EYA1: variants seen among roughly 807,000 people sequenced by gnomAD.
The protein encoded by EYA1 is protein phosphatase EYA1.
In EYA1, 16 loss-of-function variants were observed where a neutral mutation model predicts 82.0. The observed-to-expected ratio is 0.20, with a 90% CI of 0.13 to 0.30. The LOEUF (loss-of-function observed/expected upper bound fraction) is 0.30, where lower values mean the gene tolerates loss of function less well. EYA1 is among the 10% of genes least tolerant of loss of function. The pLI is 1.00. For missense variants in EYA1, 633 were observed against 730.7 expected, an observed-to-expected ratio of 0.87 and a Z score of 1.54; for synonymous variants, 261 against 264.4, an observed-to-expected ratio of 0.99 and a Z score of 0.12.
chr8:71,437,352 GA>G (rs746050792), intron 2 of EYA1, among the ~76,000 whole-genome samples: 27 of 151,914 alleles, frequency 1.8e-4, no homozygotes, highest in Non-Finnish European at 3.1e-4. Flanking sequence ...TACTGTGTTA[GA>G]AAGAGCAGAG....
chr8:71,268,170 A>G (rs1329902046), intron 11 of EYA1, among the ~76,000 whole-genome samples: 1 of 150,656 alleles, frequency 6.6e-6, no homozygotes, highest in East Asian at 2.2e-4. Context: ...GAATACTCTT[A>G]GATAACTCTC....
chr8:71,350,027 G>A (rs1177189017), intron 3 of EYA1, among the ~76,000 whole-genome samples: 1 of 152,060 alleles, frequency 6.6e-6, no homozygotes, highest in African/African-American at 2.4e-5. Flanking sequence ...CAATTTATAA[G>A]AGGCCAATTC....
At position 71,417,171 on chromosome 8, in the gene EYA1, T is replaced by C. The variant is rs148956514; in HGVS notation, c.34-60660A>G. On this transcript the variant is annotated intron_variant, in intron 2 of 18. Coordinates refer to the EYA1 transcript ENST00000643681. ...CTTGATCCTCAGCTTGCAGATGGCC[T>C]ATTGTGGGACCTCACCTTGTGATCA... is the stretch of plus-strand genomic sequence containing the variant. Among the ~76,000 whole-genome samples, 1,173 of 152,320 alleles carry C rather than the reference T, an allele frequency of 7.7e-3. 20 individuals carry two copies. Among genetic ancestry groups the C allele is most frequent in the African/African-American group, 0.027 (1,104 of 41,580 alleles).
chr8:71,507,633 A>T (rs1008585867), intron 2 of EYA1, among the ~76,000 whole-genome samples: 2 of 152,244 alleles, frequency 1.3e-5, no homozygotes, highest in Admixed American at 6.5e-5. Context: ...TTACTTGTCC[A>T]TCATAATGTC....
intron 3 of EYA1, among the ~76,000 whole-genome samples, chr8:71,346,431 A>AATATATATATATATATATATATATAT (rs3066856): frequency 2.2e-4 from 23 of 105,474 alleles, no homozygotes; most frequent in African/African-American, 5.8e-4. Flanking sequence ...TACTGCAGTG[A>AATATATATATATATATATATATATAT]ATATATATAT....
chr8:71,488,178 T>C (rs1810711603), intron 2 of EYA1, among the ~76,000 whole-genome samples: 1 of 151,280 alleles, frequency 6.6e-6, no homozygotes, highest in East Asian at 1.9e-4. Flanking sequence ...ATGATATACA[T>C]CAAATATAAA....
chr8:71,492,827 A>G (rs1016322534), intron 2 of EYA1, among the ~76,000 whole-genome samples: 1 of 152,216 alleles, frequency 6.6e-6, no homozygotes, highest in African/African-American at 2.4e-5. Flanking sequence ...AACTTGTGTC[A>G]CAGGAGTGTG....
intron 12 of EYA1, among the ~76,000 whole-genome samples, chr8:71,221,625 A>C (rs1809929256): frequency 6.6e-6 from 1 of 152,232 alleles, no homozygotes; most frequent in South Asian, 2.1e-4. Context: ...GAGCCGGGGC[A>C]GGAGAGGGCT....
At chr8:71,354,961 C>A in intron 2 of EYA1, 52 bp from the exon 3 acceptor site, 1 of 1,577,582 alleles carries the variant, frequency 6.3e-7, no homozygotes, top group Admixed American at 1.7e-5. Context: ...CATAACACCA[C>A]CATTTAATGC....
chr8:71,375,093 T>A lies in EYA1; in HGVS notation c.34-18582A>T, dbSNP rs192324989. Among the ~76,000 whole-genome samples, 68 of 152,236 alleles carry A rather than the reference T, an allele frequency of 4.5e-4. 1 individual carries two copies. The highest frequency in any genetic ancestry group is 3.8e-3 in the Admixed American group (58 of 15,290). On this transcript the variant is annotated intron_variant, in intron 2 of 18. Transcript: ENST00000643681. The stretch of plus-strand genomic sequence containing the variant: ...CTAGTGTATAACTTGAATACTAAAG[T>A]TAATTATACCGCATTGTATACTGAA...
intron 2 of EYA1, among the ~76,000 whole-genome samples, chr8:71,418,231 T>C (rs1409650305): frequency 6.6e-6 from 1 of 152,234 alleles, no homozygotes; most frequent in Non-Finnish European, 1.5e-5. Flanking sequence ...CCCCTGGATA[T>C]GATGGTATGA....
intron 2 of EYA1, among the ~76,000 whole-genome samples, chr8:71,514,921 T>G (rs1169945182): frequency 6.6e-6 from 1 of 152,164 alleles, no homozygotes; most frequent in South Asian, 2.1e-4. Context: ...TAGAAATATC[T>G]AAGTCTTTTT....
intron 3 of EYA1, among the ~76,000 whole-genome samples, chr8:71,349,666 C>T (rs1292157561): frequency 1.3e-5 from 2 of 152,122 alleles, no homozygotes; most frequent in African/African-American, 2.4e-5. Context: ...TATGTTACGT[C>T]CTCACAGAAA....
chr8:71,492,212 C>A (rs1344112493), intron 2 of EYA1, among the ~76,000 whole-genome samples: 1 of 152,192 alleles, frequency 6.6e-6, no homozygotes, highest in East Asian at 1.9e-4. Flanking sequence ...CACAGGACAG[C>A]AGATTTGCCC....
chr8:71,396,964 G>C (rs1586627966), intron 2 of EYA1, among the ~76,000 whole-genome samples: 1 of 152,130 alleles, frequency 6.6e-6, no homozygotes, highest in Admixed American at 6.5e-5. Flanking sequence ...TTATGAATCT[G>C]GGTGCTCCTG....
intron 2 of EYA1, among the ~76,000 whole-genome samples, chr8:71,445,099 T>C (rs989783200): frequency 6.6e-6 from 1 of 152,230 alleles, no homozygotes; most frequent in Admixed American, 6.5e-5. Flanking sequence ...TATGTTATGT[T>C]ATTTTATTTT....
intron 7 of EYA1, among the ~76,000 whole-genome samples, chr8:71,300,466 T>C (rs1024291395): frequency 2.0e-5 from 3 of 152,142 alleles, no homozygotes; most frequent in Admixed American, 1.3e-4. Context: ...CGAAAATTTT[T>C]TTAAGAAGGT....
chr8:71,224,724 G>C (rs1279407509), intron 12 of EYA1, among the ~76,000 whole-genome samples: 1 of 152,210 alleles, frequency 6.6e-6, no homozygotes, highest in Non-Finnish European at 1.5e-5. Flanking sequence ...GATCTATCCA[G>C]ACTACCATCT....
At chr8:71,267,635 G>A (rs111759557) in intron 11 of EYA1, among the ~76,000 whole-genome samples, 19 of 152,182 alleles carry the variant, frequency 1.2e-4, no homozygotes, top group East Asian at 7.7e-4. Flanking sequence ...TGCAAGCTCC[G>A]CCTCCCAGGT....
Sources: allele counts gnomAD v4.1 joint callset (sites outside exome capture counted in the v4.1 genomes callset), GRCh38; gene constraint gnomAD v4.1.1; transcripts MANE v1.5; gene names NCBI Gene and HGNC (gene_info 2026-07-23, HGNC 2026-07-21).